Variants in VWA8 observed in about 807,000 individuals in gnomAD.
VWA8 encodes von Willebrand factor A domain containing 8.
A neutral mutation model predicts 241.5 loss-of-function variants in VWA8; 221 were observed. The ratio of observed to expected loss-of-function variants is 0.91; its 90% confidence interval spans 0.82 to 1.02. VWA8 has a LOEUF of 1.02. Among genes scored for constraint, VWA8 ranks in the 50% least tolerant of loss-of-function variants. The probability of loss-of-function intolerance (pLI) is 0.00; values close to 1 mark genes in which losing one functional copy is unlikely to be tolerated. For synonymous variants in VWA8, 852 were observed against 827.1 expected, an observed-to-expected ratio of 1.03 and a Z score of -0.52; for missense variants, 2,322 against 2,328.7, an observed-to-expected ratio of 1.00 and a Z score of 0.06.
At chr13:41,623,412 G>T (rs2044669877) in intron 37 of VWA8, among the ~76,000 whole-genome samples, 2 of 152,140 alleles carry the variant, frequency 1.3e-5, no homozygotes, top group Admixed American at 1.3e-4. Context: ...TTAAGCCATT[G>T]TTATTTGGGT....
chr13:41,724,048 A>G (rs1197852061), intron 24 of VWA8, among the ~76,000 whole-genome samples: 1 of 152,212 alleles, frequency 6.6e-6, no homozygotes, highest in African/African-American at 2.4e-5. Context: ...GTGAAGGAAA[A>G]TGCATCAAGG....
intron 2 of VWA8, among the ~76,000 whole-genome samples, chr13:41,920,352 C>T (rs969671622): frequency 1.3e-5 from 2 of 152,112 alleles, no homozygotes; most frequent in South Asian, 2.1e-4. Context: ...ATTCCTGCCC[C>T]CTGGGTGTAA....
intron 9 of VWA8, among the ~76,000 whole-genome samples, chr13:41,872,064 G>A (rs1232678604): frequency 6.6e-6 from 1 of 152,184 alleles, no homozygotes; most frequent in Non-Finnish European, 1.5e-5. Flanking sequence ...CAGTGATGAT[G>A]AGCATTTTTT....
chr13:41,874,895 T>C (rs1433547278), intron 9 of VWA8, among the ~76,000 whole-genome samples: 3 of 152,096 alleles, frequency 2.0e-5, no homozygotes, highest in Non-Finnish European at 4.4e-5. Flanking sequence ...TGAGCCCATT[T>C]ACCACCCTTT....
At position 41,953,154 on chromosome 13, in the gene VWA8, T is replaced by C. The variant is rs116800091; in HGVS notation, c.164-3141A>G. On this transcript the variant is annotated intron_variant, in intron 1 of 44. Coordinates refer to ENST00000379310, the MANE Select transcript of VWA8 (RefSeq NM_015058.2). ...CTCTCTTGGTAAATAATGGAAGAAG[T>C]AGGAAAAAATAAAGAAGGATACAGG... Among the ~76,000 whole-genome samples, 199 of 152,228 alleles carry C rather than the reference T, an allele frequency of 1.3e-3. 1 individual carries two copies. Among genetic ancestry groups the C allele is most frequent in the Middle Eastern group, 3.4e-3 (1 of 292 alleles).
chr13:41,787,917 G>A (rs1252736169), intron 17 of VWA8, among the ~76,000 whole-genome samples: 1 of 152,058 alleles, frequency 6.6e-6, no homozygotes. Flanking sequence ...TTCTAGGTTG[G>A]CAATCATAAA....
At chr13:41,784,715 T>TACACACAC (rs1869080213) in intron 18 of VWA8, among the ~76,000 whole-genome samples, 1 of 62,852 alleles carries the variant, frequency 1.6e-5, no homozygotes, top group African/African-American at 4.5e-5. Flanking sequence ...TATATATATA[T>TACACACAC]ATATATATAT....
chr13:41,764,991 T>C (rs1169781259), intron 20 of VWA8, among the ~76,000 whole-genome samples: 1 of 151,890 alleles, frequency 6.6e-6, no homozygotes, highest in Non-Finnish European at 1.5e-5. Flanking sequence ...CAGGAGATGA[T>C]GGTGGTCTAA....
intron 18 of VWA8, 144 bp downstream of exon 18, chr13:41,787,292 AT>A (rs1334014518): frequency 3.3e-6 from 2 of 607,984 alleles, no homozygotes; most frequent in African/African-American, 3.8e-5. Context: ...AATCAGATTC[AT>A]TTCTTCAAAC....
intron 14 of VWA8, among the ~76,000 whole-genome samples, chr13:41,821,301 T>C (rs370542094): frequency 6.6e-6 from 1 of 152,162 alleles, no homozygotes; most frequent in East Asian, 1.9e-4. Flanking sequence ...ACAGCTGATA[T>C]GTTAGGCAGA....
chr13:41,825,605 A>G (rs1871143480), intron 14 of VWA8, among the ~76,000 whole-genome samples: 3 of 152,180 alleles, frequency 2.0e-5, no homozygotes, highest in Non-Finnish European at 4.4e-5. Context: ...CTTCCTCTTA[A>G]AAAAGCAAAA....
chr13:41,711,601 A>G lies in VWA8; in HGVS notation c.3116+7990T>C, dbSNP rs9562340. 5.6e-4 allele frequency among the ~76,000 whole-genome samples: 85 copies of G among 152,318 alleles called. No homozygotes were observed. In the East Asian group the frequency reaches 6.0e-3, roughly 11 times the overall value. On this transcript the variant is annotated intron_variant, in intron 26 of 44. Coordinates refer to ENST00000379310, the MANE Select transcript of VWA8 (RefSeq NM_015058.2). The stretch of plus-strand genomic sequence containing the variant: ...TTATAAAAGAAATTTCAGGCCGGGC[A>G]TGGTGGCTCATGCCTGTAATCCCAG...
At chr13:41,708,308 C>T (rs1373394101) in intron 26 of VWA8, among the ~76,000 whole-genome samples, 2 of 151,938 alleles carry the variant, frequency 1.3e-5, no homozygotes, top group Non-Finnish European at 2.9e-5. Context: ...TTGCAGTGAG[C>T]CAAGATCGCG....
At chr13:41,680,438 T>C (rs186703456) in intron 35 of VWA8, among the ~76,000 whole-genome samples, 87 of 152,288 alleles carry the variant, frequency 5.7e-4, no homozygotes, top group Admixed American at 2.2e-3. Context: ...CCCACATTTA[T>C]AAAATTCTTC....
At chr13:41,804,251 T>C (rs1386647921) in intron 17 of VWA8, among the ~76,000 whole-genome samples, 1 of 152,110 alleles carries the variant, frequency 6.6e-6, no homozygotes, top group Non-Finnish European at 1.5e-5. Flanking sequence ...CTGAGGTACC[T>C]AAAAGCAGGA....
rs559902160 is a variant in VWA8, at chr13:41,917,835, C to T, written c.242-5667G>A. Among the ~76,000 whole-genome samples the T allele has an allele frequency of 7.2e-5, 11 of 152,302 alleles. No homozygotes were observed. In the East Asian group the frequency reaches 2.1e-3, roughly 29 times the overall value. On this transcript the variant is annotated intron_variant, in intron 2 of 44. Coordinates refer to ENST00000379310, the MANE Select transcript of VWA8 (RefSeq NM_015058.2). ...TTGACATTTCATTACCATTTCATCA[C>T]CCCACAAAATAGCTCAGAAAGAATC... is the stretch of plus-strand genomic sequence containing the variant.
intron 9 of VWA8, among the ~76,000 whole-genome samples, chr13:41,881,263 A>T (rs974075265): frequency 7.3e-5 from 11 of 150,084 alleles, no homozygotes; most frequent in African/African-American, 2.7e-4. Flanking sequence ...GTCCAGGCTC[A>T]TCTTCTGCAT....
chr13:41,568,012 T>TTAAG lies in VWA8; in HGVS notation c.*181_*184dup. On this transcript the variant is annotated 3_prime_UTR_variant, in exon 45 of 45. Coordinates refer to ENST00000379310, the MANE Select transcript of VWA8 (RefSeq NM_015058.2). ...TCATCAGTGGAGTATCTTTCCATGT[T>TTAAG]TAAGTCTCCTTCTGGCTGCTTCTCT... The TTAAG allele has an allele frequency of 1.7e-6, 1 of 581,086 alleles. No homozygotes were observed. Among genetic ancestry groups the TTAAG allele is most frequent in the Non-Finnish European group, 3.0e-6 (1 of 329,950 alleles). The allele number at this position is 581,086 out of a possible 1,614,324, so 36.0% of individuals were successfully genotyped here.
At chr13:41,640,583 A>G (rs2044789177) in intron 37 of VWA8, among the ~76,000 whole-genome samples, 1 of 152,202 alleles carries the variant, frequency 6.6e-6, no homozygotes, top group African/African-American at 2.4e-5. Context: ...AGTGATTTAA[A>G]AATCATGTAC....
Sources: allele counts gnomAD v4.1 joint callset (sites outside exome capture counted in the v4.1 genomes callset), GRCh38; gene constraint gnomAD v4.1.1; transcripts MANE v1.5; gene names NCBI Gene and HGNC (gene_info 2026-07-23, HGNC 2026-07-21).